Variants in SARS1 observed in about 807,000 individuals in gnomAD.
The protein encoded by SARS1 is serine--tRNA ligase, cytoplasmic.
Under a neutral mutation model 63.7 loss-of-function variants are expected in SARS1, and 25 were observed. The ratio of observed to expected loss-of-function variants is 0.39; its 90% confidence interval spans 0.29 to 0.55. The LOEUF is 0.55. Ranked by LOEUF, SARS1 falls within the 20% of genes least tolerant of loss-of-function variation. The pLI is 0.62. For synonymous variants in SARS1, 231 were observed against 243.5 expected, an observed-to-expected ratio of 0.95 and a Z score of 0.48; for missense variants, 417 against 649.7, an observed-to-expected ratio of 0.64 and a Z score of 3.89.
chr1:109,216,373 A>G (rs879376200), intron 1 of SARS1: 13 of 985,302 alleles, frequency 1.3e-5, no homozygotes, highest in Admixed American at 6.1e-5. Flanking sequence ...AGTCCAGTAT[A>G]ACTTGGAGTG....
intron 6 of SARS1, among the ~76,000 whole-genome samples, chr1:109,234,366 A>C (rs985779674): frequency 2.0e-5 from 3 of 151,744 alleles, no homozygotes; most frequent in African/African-American, 7.3e-5. Flanking sequence ...TTTCTGTGTT[A>C]CTGCATGGTC....
chr1:109,222,393 A>G (rs1654968384), intron 1 of SARS1, among the ~76,000 whole-genome samples: 1 of 152,134 alleles, frequency 6.6e-6, no homozygotes, highest in African/African-American at 2.4e-5. Context: ...GTGTGTGTGT[A>G]GTTCTGTGCA....
In SARS1 at chr1:109,213,962, T is replaced by A; in HGVS notation, c.-31T>A. On this transcript the variant is annotated 5_prime_UTR_variant, in exon 1 of 11. Transcript: ENST00000234677. ...CTGAGTGCTGCGGCGCGATCCTTGC[T>A]TCCCTGAGCGTTGGCCCGGGAGGAA... 6.3e-7 allele frequency: 1 copy of A among 1,592,622 alleles called. No individual in the cohort carries two copies. Among genetic ancestry groups the A allele is most frequent in the Non-Finnish European group, 8.6e-7 (1 of 1,167,762 alleles).
intron 2 of SARS1, among the ~76,000 whole-genome samples, chr1:109,225,898 G>A (rs1257035389): frequency 6.6e-6 from 1 of 152,142 alleles, no homozygotes; most frequent in Non-Finnish European, 1.5e-5. Context: ...TGCCTATGAT[G>A]CCATTGCAAA....
intron 2 of SARS1, among the ~76,000 whole-genome samples, chr1:109,227,307 T>G (rs1444726087): frequency 1.3e-5 from 2 of 152,146 alleles, no homozygotes; most frequent in South Asian, 2.1e-4. Flanking sequence ...CTTTTTAATT[T>G]AAGAAGAATT....
intron 3 of SARS1, 94 bp from the exon 4 acceptor site, chr1:109,229,319 CT>C (rs1655156421): frequency 7.7e-7 from 1 of 1,297,548 alleles, no homozygotes. Context: ...CAAGGGCTAT[CT>C]TTAGAGCACA....
intron 6 of SARS1, among the ~76,000 whole-genome samples, chr1:109,233,925 A>C (rs961613367): frequency 2.3e-5 from 3 of 132,576 alleles, no homozygotes; most frequent in Non-Finnish European, 3.1e-5. Context: ...GCTAAAGTGA[A>C]GTGGCATGAT....
At chr1:109,215,531 C>T (rs1654762462) in intron 1 of SARS1, 1 of 985,158 alleles carries the variant, frequency 1.0e-6, no homozygotes, top group Admixed American at 6.1e-5. Flanking sequence ...CATAAAATCC[C>T]AGTACCTAGC....
rs66652692 is a variant in SARS1 at position 109,226,663 on chromosome 1, T to TAAAA, written c.208-1677_208-1674dup. 5.6e-3 allele frequency among the ~76,000 whole-genome samples: 311 copies of TAAAA among 55,420 alleles called. 4 individuals are homozygous for TAAAA. Among genetic ancestry groups the TAAAA allele is most frequent in the Middle Eastern group, 0.014 (1 of 70 alleles). The allele number at this position is 55,420 out of a possible 152,430, so 36.4% of individuals were successfully genotyped here. A position where few individuals can be genotyped will look rare whatever the true frequency, so the allele number is the denominator to read the frequency against. On this transcript the variant is annotated intron_variant, in intron 2 of 10. Coordinates refer to ENST00000234677, the MANE Select transcript of SARS1 (RefSeq NM_006513.4). ...TGTACTCCACTATGCCTGGCTAATT[T>TAAAA]AAAAAAAAAAAAAAATATATATATA...
intron 8 of SARS1, 133 bp from the exon 9 acceptor site, chr1:109,236,258 G>A: frequency 2.3e-6 from 3 of 1,282,396 alleles, no homozygotes; most frequent in Non-Finnish European, 3.3e-6. Flanking sequence ...GGAGTATTTG[G>A]TGTTAAGAAT....
At chr1:109,233,922 T>G (rs904045913) in intron 6 of SARS1, among the ~76,000 whole-genome samples, 1 of 127,750 alleles carries the variant, frequency 7.8e-6, no homozygotes, top group Non-Finnish European at 1.6e-5. Flanking sequence ...CAGGCTAAAG[T>G]GAAGTGGCAT....
chr1:109,237,766 C>T lies in SARS1; in HGVS notation c.1423C>T (p.Pro475Ser), dbSNP rs970504975. The change falls in exon 11 of 11, where the codon CCC becomes TCC. Residue 475 changes from proline to serine, a missense_variant. Physicochemically the swap from Pro to Ser is moderately conservative, Grantham distance 74. Around this residue, in one of 3 missense-constraint regions of SARS1, gnomAD observed 43 missense variants for 68.1 expected, o/e 0.63. Coordinates refer to ENST00000234677, the MANE Select transcript of SARS1 (RefSeq NM_006513.4). The surrounding 1 kb of genome is among the most constrained non-coding windows in gnomAD (Gnocchi z 4.1). ...QELIPFVKPA[P>S]IEQEPSKKQK... Reference sequence around the variant, plus strand: ...ACTGATCCCCTTTGTGAAGCCTGCGCCCATTGAGCAGGAGCCATCAAAGAA... The same window carrying T: ...ACTGATCCCCTTTGTGAAGCCTGCGTCCATTGAGCAGGAGCCATCAAAGAA... 4.3e-6 allele frequency: 7 copies of T among 1,614,182 alleles called. No individual in the cohort carries two copies. The highest frequency in any genetic ancestry group is 5.9e-6 in the Non-Finnish European group (7 of 1,180,032).
chr1:109,232,929 G>T (rs1655236884), intron 6 of SARS1, among the ~76,000 whole-genome samples: 2 of 152,192 alleles, frequency 1.3e-5, no homozygotes, highest in Admixed American at 1.3e-4. Flanking sequence ...ACGCTTCTTG[G>T]ACCCACAGGC....
Position 109,237,960 on chromosome 1 carries a change from G to C in SARS1, c.*72G>C. 1 of 1,553,722 alleles carries C rather than the reference G, an allele frequency of 6.4e-7. No homozygotes were observed. The highest frequency in any genetic ancestry group is 8.8e-7 in the Non-Finnish European group (1 of 1,141,582). ...GATCTCAGAGCCTGCCCAACAGCAG[G>C]GAAGCCAAGCACCCATTCATCCCCC... On this transcript the variant is annotated 3_prime_UTR_variant, in exon 11 of 11. Transcript: ENST00000234677. The surrounding 1 kb of genome is among the most constrained non-coding windows in gnomAD (Gnocchi z 4.1).
At chr1:109,236,355 C>A in intron 8 of SARS1, 36 bp from the exon 9 acceptor site, 7 of 1,566,792 alleles carry the variant, frequency 4.5e-6, no homozygotes, top group Non-Finnish European at 6.1e-6. Context: ...GAAATACCAT[C>A]CCTCCTTCAT....
intron 5 of SARS1, 77 bp from the exon 6 acceptor site, chr1:109,231,554 G>C (rs1420621662): frequency 7.9e-7 from 1 of 1,263,240 alleles, no homozygotes; most frequent in Non-Finnish European, 1.0e-6. Context: ...TGGCCCAGGT[G>C]CCTTTAGGTG....
At chr1:109,226,251 G>T (rs984209263) in intron 2 of SARS1, among the ~76,000 whole-genome samples, 1 of 151,568 alleles carries the variant, frequency 6.6e-6, no homozygotes, top group African/African-American at 2.4e-5. Flanking sequence ...GTCACTGAAG[G>T]GTGTGAGTGG....
At chr1:109,236,659 C>T (rs1343129353) in intron 9 of SARS1, 111 bp downstream of exon 9, 3 of 1,495,092 alleles carry the variant, frequency 2.0e-6, no homozygotes. Context: ...AAAATCTGAG[C>T]TTCTCAATCT....
In SARS1 at chr1:109,217,009, T is replaced by G. The variant is rs1038941424; in HGVS notation, c.136+2881T>G. Reference sequence around the variant, plus strand: ...TTTGCCCCAGCAACTGGAATAGCTTTCTATCTGCTTTCAATCTTAACCCAG... The same window carrying G: ...TTTGCCCCAGCAACTGGAATAGCTTGCTATCTGCTTTCAATCTTAACCCAG... On this transcript the variant is annotated intron_variant, in intron 1 of 10. Coordinates refer to ENST00000234677, the MANE Select transcript of SARS1 (RefSeq NM_006513.4). The G allele has an allele frequency of 3.8e-5, 37 of 985,328 alleles. No individual in the cohort carries two copies. The Admixed American group carries it at 4.3e-4, about 11-fold the overall frequency. The allele number at this position is 985,328 out of a possible 1,614,324, so 61.0% of individuals were successfully genotyped here.
Sources: allele counts gnomAD v4.1 joint callset (sites outside exome capture counted in the v4.1 genomes callset), GRCh38; gene constraint gnomAD v4.1.1; regional missense constraint gnomAD v4.1.1; non-coding constraint Gnocchi (gnomAD v3.1); transcripts MANE v1.5; gene names NCBI Gene and HGNC (gene_info 2026-07-23, HGNC 2026-07-21).